TTC16: variants seen among roughly 807,000 people sequenced by gnomAD.
TTC16 encodes tetratricopeptide repeat domain 16.
Under a neutral mutation model 80.4 loss-of-function variants are expected in TTC16, and 66 were observed. That is an observed-to-expected ratio of 0.82 (90% confidence interval 0.67 to 1.01). TTC16 has a LOEUF of 1.01. TTC16 is among the 50% of genes least tolerant of loss of function. The pLI, the probability that TTC16 is intolerant of heterozygous loss-of-function variation, is 0.00. For missense variants in TTC16, 1,070 were observed against 1,103.2 expected (o/e 0.97, Z 0.43); for synonymous variants, 438 against 451.3 (o/e 0.97, Z 0.37).
Position 127,722,185 on chromosome 9 carries a change from G to A in TTC16, c.658-934G>A, listed in dbSNP as rs1843564022. On this transcript the variant is annotated intron_variant, in intron 6 of 13. Coordinates refer to ENST00000373289, the MANE Select transcript of TTC16 (RefSeq NM_144965.3). The surrounding 1 kb of genome is among the most constrained non-coding windows in gnomAD (Gnocchi z 4.2). ...GTGGCATTGCCTGGAGCCCAAGGCT[G>A]CTTATGCCGAAGCCCTGCCCCTAGC... 6.6e-6 allele frequency among the ~76,000 whole-genome samples: 1 copy of A among 152,156 alleles called. No homozygotes were observed. The highest frequency in any genetic ancestry group is 1.5e-5 in the Non-Finnish European group (1 of 68,034).
At position 127,724,913 on chromosome 9, in the gene TTC16, C is replaced by T; in HGVS notation, c.1259+16C>T. The T allele has an allele frequency of 6.7e-7, 1 of 1,494,734 alleles. No individual in the cohort carries two copies. The highest frequency in any genetic ancestry group is 8.9e-7 in the Non-Finnish European group (1 of 1,126,268). The allele number at this position is 1,494,734 out of a possible 1,614,324, so 92.6% of individuals were successfully genotyped here. Reference sequence around the variant, plus strand: ...AGAGGCGCAAGTGCGTGGGCTCCCGCCCCCACGGTGGGCGGGGCAGGCCCG... The same window carrying T: ...AGAGGCGCAAGTGCGTGGGCTCCCGTCCCCACGGTGGGCGGGGCAGGCCCG... On this transcript the variant is annotated intron_variant, in intron 9 of 13. Coordinates refer to ENST00000373289, the MANE Select transcript of TTC16 (RefSeq NM_144965.3).
At chr9:127,716,203 C>T (rs1319641682) in intron 1 of TTC16, 40 bp downstream of exon 1, 1 of 1,613,726 alleles carries the variant, frequency 6.2e-7, no homozygotes, top group Non-Finnish European at 8.5e-7. Context: ...GGCAGAGGGC[C>T]AGGCAGAGAG....
chr9:127,723,264 A>G lies in TTC16; in HGVS notation c.803A>G (p.Gln268Arg). The G allele has an allele frequency of 6.2e-7, 1 of 1,612,928 alleles. No individual in the cohort carries two copies. Among genetic ancestry groups the G allele is most frequent in the Non-Finnish European group, 8.5e-7 (1 of 1,180,022 alleles). ...AGILAVQGKL[Q>R]HALQRINRAI... ...ATCCTGGCTGTGCAGGGCAAGCTGCAGCACGCACTGCAGCGGATCAACCGT... is the reference window on the plus strand; with the variant it reads ...ATCCTGGCTGTGCAGGGCAAGCTGCGGCACGCACTGCAGCGGATCAACCGT... The change falls in exon 7 of 14, where the codon CAG (glutamine) becomes CGG (arginine). Residue 268 changes from glutamine (Q) to arginine (R), a missense_variant. Transcript: ENST00000373289.
chr9:127,730,923 C>T lies in TTC16; in HGVS notation c.2140C>T (p.Gln714Ter), dbSNP rs1442253546. ...KRNSSKTKAT[Q>*]SQRRNSSKTR... ...GAACTCCAGCAAGACCAAGGCCACC[C>T]AAAGCCAGAGGCGGAACTCCAGCAA... Residue 714 changes from glutamine (Q) to a stop codon, truncating the protein, a stop_gained, in exon 14 of 14, where the codon CAA becomes TAA. Transcript: ENST00000373289. LOFTEE classifies it low-confidence loss of function (END_TRUNC). 2.5e-6 allele frequency: 4 copies of T among 1,612,828 alleles called. No homozygotes were observed. The highest frequency in any genetic ancestry group is 1.7e-6 in the Non-Finnish European group (2 of 1,179,858).
intron 13 of TTC16, chr9:127,730,421 G>A (rs1159267233): frequency 4.7e-6 from 3 of 644,752 alleles, no homozygotes; most frequent in Admixed American, 3.0e-5. Context: ...GGGACTGGGA[G>A]AAGGGGGCTC....
chr9:127,717,650 G>A lies in TTC16; in HGVS notation c.304G>A (p.Ala102Thr). The change falls in exon 4 of 14, where the codon GCT becomes ACT. Residue 102 changes from alanine to threonine, a missense_variant. Ala to Thr is a moderately conservative substitution (Grantham distance 58, BLOSUM62 0). Coordinates refer to ENST00000373289, the MANE Select transcript of TTC16 (RefSeq NM_144965.3). The part of the protein sequence containing the change: ...PQLVDFYALR[A>T]EAYLQLCDFS... ...TCAGGTGGACTTCTATGCCTTACGG[G>A]CTGAGGCCTACCTCCAGCTCTGTGA... 1 of 1,613,994 alleles carries A rather than the reference G, an allele frequency of 6.2e-7. No homozygotes were observed. Among genetic ancestry groups the A allele is most frequent in the Non-Finnish European group, 8.5e-7 (1 of 1,179,990 alleles).
At chr9:127,724,431 C>G (rs758011199) in intron 8 of TTC16, 67 bp downstream of exon 8, 1 of 1,583,962 alleles carries the variant, frequency 6.3e-7, no homozygotes, top group Admixed American at 1.8e-5. Flanking sequence ...AAGGCCCCCA[C>G]TGGGCACTTG....
Position 127,729,663 on chromosome 9 carries a change from T to C in TTC16, c.1847T>C (p.Met616Thr). Residue 616 changes from methionine (M) to threonine (T), a missense_variant, in exon 13 of 14, where the codon ATG becomes ACG. Physicochemically the swap from Met to Thr is moderately conservative, Grantham distance 81. Coordinates refer to ENST00000373289, the MANE Select transcript of TTC16 (RefSeq NM_144965.3). ...YLDQTSSASSMSFRTTGTSET... is the reference protein window; with the variant it reads ...YLDQTSSASSTSFRTTGTSET... ...GACCAGACCTCTTCAGCCTCCAGCA[T>C]GAGCTGTAAGTCCCTGGTGCTTCCG... 6.2e-7 allele frequency: 1 copy of C among 1,613,326 alleles called. No homozygotes were observed. Among genetic ancestry groups the C allele is most frequent in the Non-Finnish European group, 8.5e-7 (1 of 1,179,818 alleles).
rs149983303 is a variant in TTC16, at chr9:127,724,190, G to T, written c.943G>T (p.Val315Leu). The T allele has an allele frequency of 1.3e-4, 205 of 1,613,326 alleles. No individual in the cohort carries two copies. The African/African-American group carries it at 2.2e-3, about 17-fold the overall frequency. ...VEDFLKVLDM[V>L]TEDQEDMVRQ... Reference sequence around the variant, plus strand: ...GGACTTCCTGAAGGTGCTGGACATGGTGACCGAGGACCAGGAGGACATGGT... The same window carrying T: ...GGACTTCCTGAAGGTGCTGGACATGTTGACCGAGGACCAGGAGGACATGGT... The change falls in exon 8 of 14, where the codon GTG becomes TTG. Residue 315 changes from valine to leucine, a missense_variant. By Grantham distance (32) the Val-to-Leu change is conservative. Coordinates refer to ENST00000373289, the MANE Select transcript of TTC16 (RefSeq NM_144965.3).
rs376701128 is a variant in TTC16 at position 127,716,118 on chromosome 9, G to T, written c.-28G>T. ...CAGGGCCGCGAGGTAGTTGGCAGAG[G>T]CCTCGGGGTCCTCCTGGAAGGGGCC... On this transcript the variant is annotated 5_prime_UTR_variant, in exon 1 of 14. Coordinates refer to ENST00000373289, the MANE Select transcript of TTC16 (RefSeq NM_144965.3). 3 of 1,613,840 alleles carry T rather than the reference G, an allele frequency of 1.9e-6. No homozygotes were observed. In the African/African-American group the frequency reaches 4.0e-5, roughly 22 times the overall value.
At chr9:127,716,436 T>C (rs1843016600) in intron 1 of TTC16, 3 of 583,076 alleles carry the variant, frequency 5.1e-6, no homozygotes, top group Admixed American at 3.0e-5. Flanking sequence ...AGGTGCTCAG[T>C]GTGGCCTGCT....
rs900970461 is a variant in TTC16, at chr9:127,730,569, C to G, written c.1853-67C>G. On this transcript the variant is annotated intron_variant, in intron 13 of 13. Transcript: ENST00000373289. ...AGGCCAGTGTGAGATTGGGAAGCCC[C>G]TTTTCCCAGAGCTGTCCAGGGCAGG... The G allele has an allele frequency of 1.1e-5, 17 of 1,553,146 alleles. No homozygotes were observed. The Admixed American group carries it at 3.2e-4, about 29-fold the overall frequency.
At chr9:127,717,217 A>G (rs766946420) in intron 2 of TTC16, 117 bp from the exon 3 acceptor site, 6 of 1,200,816 alleles carry the variant, frequency 5.0e-6, no homozygotes, top group African/African-American at 3.0e-5. Flanking sequence ...GCTTCTGTCT[A>G]CTCCTCCTGC....
chr9:127,723,369 G>T, intron 7 of TTC16, 36 bp downstream of exon 7: 1 of 1,589,664 alleles, frequency 6.3e-7, no homozygotes, highest in South Asian at 1.1e-5. Flanking sequence ...TGGGTCCCAG[G>T]TCCTGCCCAG....
At chr9:127,716,819 C>G (rs1843059200) in intron 1 of TTC16, 25 bp from the exon 2 acceptor site, 1 of 1,592,222 alleles carries the variant, frequency 6.3e-7, no homozygotes, top group Non-Finnish European at 8.6e-7. Flanking sequence ...GGGGCCTGCT[C>G]CAGCTTGCTG....
chr9:127,726,408 G>A lies in TTC16; in HGVS notation c.1425+4G>A, dbSNP rs1225152129. ...CCTCAACCCCAAGCAACCAAAGGTA[G>A]GTTCCTGCCACGTCAGGAGTGTAGG... On this transcript the variant is annotated splice_donor_region_variant and intron_variant, in intron 10 of 13. Coordinates refer to ENST00000373289, the MANE Select transcript of TTC16 (RefSeq NM_144965.3). 3 of 1,587,856 alleles carry A rather than the reference G, an allele frequency of 1.9e-6. No individual in the cohort carries two copies. Among genetic ancestry groups the A allele is most frequent in the Non-Finnish European group, 2.6e-6 (3 of 1,162,850 alleles).
At chr9:127,728,563 G>T (rs1015463859) in intron 12 of TTC16, 1 of 152,276 alleles carries the variant, frequency 6.6e-6, no homozygotes, top group African/African-American at 2.4e-5. Flanking sequence ...GGGAGGCCAA[G>T]ATGGGCAGAT....
intron 7 of TTC16, 52 bp from the exon 8 acceptor site, chr9:127,724,068 G>T (rs1443792059): frequency 1.3e-6 from 2 of 1,495,134 alleles, no homozygotes; most frequent in African/African-American, 2.8e-5. Flanking sequence ...AGTCGGTGGG[G>T]GTGCACTGGC....
chr9:127,719,681 T>C (rs1292957201), intron 4 of TTC16, among the ~76,000 whole-genome samples: 3 of 152,274 alleles, frequency 2.0e-5, no homozygotes, highest in Non-Finnish European at 4.4e-5. Flanking sequence ...TTAGTAGAGA[T>C]GGGGTTTCAC....
Sources: gnomAD v4.1 joint callset for allele counts (sites outside exome capture counted in the v4.1 genomes callset) on GRCh38, gnomAD v4.1.1 for gene constraint, Gnocchi (gnomAD v3.1) non-coding constraint, MANE v1.5 for transcripts, NCBI Gene and HGNC (gene_info 2026-07-23, HGNC 2026-07-21) for gene names.